Variants in MGMT observed in about 807,000 individuals in gnomAD.
The protein encoded by MGMT is O-6-methylguanine-DNA methyltransferase.
Under a neutral mutation model 15.9 loss-of-function variants are expected in MGMT, and 14 were observed. The observed-to-expected ratio is 0.88, with a 90% CI of 0.58 to 1.37. MGMT has a LOEUF of 1.37. Among genes scored for constraint, MGMT ranks in the 40% most tolerant of loss-of-function variants. MGMT has a pLI of 0.00. For missense variants in MGMT, 282 were observed against 268.1 expected (o/e 1.05, Z -0.36); for synonymous variants, 130 against 118.2 (o/e 1.10, Z -0.65).
intron 2 of MGMT, among the ~76,000 whole-genome samples, chr10:129,612,127 G>T (rs9733032): frequency 0.092 from 13,988 of 152,146 alleles, 820 homozygotes; most frequent in East Asian, 0.29. Context: ...CAGCTTATAG[G>T]TAGATTTAAA....
chr10:129,572,534 G>A (rs745315175), intron 2 of MGMT, among the ~76,000 whole-genome samples: 1 of 152,090 alleles, frequency 6.6e-6, no homozygotes, highest in Non-Finnish European at 1.5e-5. Context: ...TTCCGCTCTC[G>A]GAGCTTGATA....
In MGMT at chr10:129,768,628, A is replaced by G. The variant is rs1025278649; in HGVS notation, c.*1631A>G. On this transcript the variant is annotated 3_prime_UTR_variant, in exon 5 of 5. Coordinates refer to ENST00000651593, the MANE Select transcript of MGMT (RefSeq NM_002412.5). ...CACCAGGCACGGCTTTCCCCTCTGC[A>G]TGAACAGAACAGAAGCTTCTGGCTC... Among the ~76,000 whole-genome samples the G allele has an allele frequency of 1.3e-5, 2 of 152,218 alleles. No homozygotes were observed. The highest frequency in any genetic ancestry group is 6.5e-5 in the Admixed American group (1 of 15,290).
intron 3 of MGMT, among the ~76,000 whole-genome samples, chr10:129,736,249 A>C (rs1352666640): frequency 1.3e-5 from 2 of 149,940 alleles, no homozygotes; most frequent in Non-Finnish European, 3.0e-5. Context: ...GTGCTCCTGT[A>C]TTGGGTGCAT....
At chr10:129,520,638 A>T (rs1442519247) in intron 1 of MGMT, among the ~76,000 whole-genome samples, 1 of 123,052 alleles carries the variant, frequency 8.1e-6, no homozygotes, top group African/African-American at 3.6e-5. Context: ...GAACCCCTAA[A>T]GTGCAGGTGC....
At chr10:129,535,117 T>C (rs1400252831) in intron 1 of MGMT, among the ~76,000 whole-genome samples, 1 of 152,182 alleles carries the variant, frequency 6.6e-6, no homozygotes, top group East Asian at 1.9e-4. Flanking sequence ...GCCTTTGCTT[T>C]GTTGTTCTCA....
At chr10:129,680,918 C>A (rs756414706) in intron 2 of MGMT, among the ~76,000 whole-genome samples, 2 of 152,184 alleles carry the variant, frequency 1.3e-5, no homozygotes, top group African/African-American at 2.4e-5. Flanking sequence ...GCTTCCTGAG[C>A]GACCCCATCA....
intron 2 of MGMT, among the ~76,000 whole-genome samples, chr10:129,550,565 G>GC (rs1846145899): frequency 6.6e-6 from 1 of 151,684 alleles, no homozygotes; most frequent in Non-Finnish European, 1.5e-5. Flanking sequence ...TCGCGCCTCA[G>GC]CCCCCCAAGT....
At chr10:129,512,743 C>T (rs921593459) in intron 1 of MGMT, among the ~76,000 whole-genome samples, 4 of 152,166 alleles carry the variant, frequency 2.6e-5, no homozygotes, top group Admixed American at 2.6e-4. Context: ...TATTTGATAA[C>T]GTTTATGATA....
chr10:129,470,137 G>A (rs940083641), intron 1 of MGMT, among the ~76,000 whole-genome samples: 52 of 152,174 alleles, frequency 3.4e-4, no homozygotes, highest in African/African-American at 9.4e-4. Context: ...CCAGCCCTTC[G>A]CCCCACTCTT....
chr10:129,542,600 G>A (rs150567818), intron 2 of MGMT, among the ~76,000 whole-genome samples: 187 of 152,236 alleles, frequency 1.2e-3, no homozygotes, highest in Middle Eastern at 3.4e-3. Context: ...CCTCAGTGCC[G>A]TGAAATAATG....
intron 2 of MGMT, among the ~76,000 whole-genome samples, chr10:129,639,252 A>G (rs1847300021): frequency 6.6e-6 from 1 of 152,154 alleles, no homozygotes; most frequent in South Asian, 2.1e-4. Context: ...TAGATGATGT[A>G]TATTCTACAA....
chr10:129,571,112 C>A (rs1231771304), intron 2 of MGMT, among the ~76,000 whole-genome samples: 1 of 152,146 alleles, frequency 6.6e-6, no homozygotes, highest in Non-Finnish European at 1.5e-5. Flanking sequence ...CACAAAGTTT[C>A]TTCTTGGTTC....
intron 2 of MGMT, among the ~76,000 whole-genome samples, chr10:129,649,255 T>C (rs1429334556): frequency 1.3e-5 from 2 of 152,188 alleles, no homozygotes; most frequent in East Asian, 3.9e-4. Flanking sequence ...GGGAACAAGC[T>C]TTCTGCCCCC....
At chr10:129,765,638 C>T (rs965969350) in intron 4 of MGMT, among the ~76,000 whole-genome samples, 10 of 152,232 alleles carry the variant, frequency 6.6e-5, no homozygotes, top group Non-Finnish European at 1.3e-4. Flanking sequence ...CCATCACTGT[C>T]CCCTCTGGCT....
At chr10:129,474,023 G>T (rs948336172) in intron 1 of MGMT, among the ~76,000 whole-genome samples, 1 of 152,254 alleles carries the variant, frequency 6.6e-6, no homozygotes, top group South Asian at 2.1e-4. Flanking sequence ...CTACCGGTCA[G>T]GTTTCTCCAA....
chr10:129,753,612 T>G (rs1848773124), intron 3 of MGMT, among the ~76,000 whole-genome samples: 1 of 152,224 alleles, frequency 6.6e-6, no homozygotes, highest in South Asian at 2.1e-4. Context: ...GCAGTACAGT[T>G]TTTAATTTTG....
intron 2 of MGMT, among the ~76,000 whole-genome samples, chr10:129,552,243 T>C (rs1846165381): frequency 6.6e-6 from 1 of 152,160 alleles, no homozygotes; most frequent in South Asian, 2.1e-4. Context: ...GCTCCCCACA[T>C]GGGAACCACT....
chr10:129,579,376 G>A (rs922503065), intron 2 of MGMT, among the ~76,000 whole-genome samples: 2 of 152,190 alleles, frequency 1.3e-5, no homozygotes, highest in Non-Finnish European at 2.9e-5. Flanking sequence ...CGTGGGTCAG[G>A]AGCATGGCAT....
intron 3 of MGMT, among the ~76,000 whole-genome samples, chr10:129,733,006 C>T (rs1172840706): frequency 2.0e-5 from 3 of 151,720 alleles, no homozygotes; most frequent in African/African-American, 4.8e-5. Flanking sequence ...TAAATAATGC[C>T]GCAATAAACA....
Sources: allele counts gnomAD v4.1 joint callset (sites outside exome capture counted in the v4.1 genomes callset), GRCh38; gene constraint gnomAD v4.1.1; transcripts MANE v1.5; gene names NCBI Gene and HGNC (gene_info 2026-07-23, HGNC 2026-07-21).